The following ZMYND8 variants were observed in gnomAD, a reference collection of about 807,000 sequenced individuals.
ZMYND8 encodes the protein MYND-type zinc finger-containing chromatin reader ZMYND8.
Under a neutral mutation model 140.8 loss-of-function variants are expected in ZMYND8, and 37 were observed. The observed-to-expected ratio is 0.26, with a 90% confidence interval of 0.20 to 0.35. The LOEUF is 0.35. ZMYND8 is among the 10% of genes least tolerant of loss of function. The pLI is 1.00. For missense variants in ZMYND8, 1,068 were observed against 1,570.0 expected, an observed-to-expected ratio of 0.68 and a Z score of 5.40; for synonymous variants, 592 against 597.1, an observed-to-expected ratio of 0.99 and a Z score of 0.12.
At chr20:47,273,613 G>A (rs575679960) in intron 11 of ZMYND8, among the ~76,000 whole-genome samples, 33 of 152,166 alleles carry the variant, frequency 2.2e-4, no homozygotes, top group African/African-American at 4.6e-4. Flanking sequence ...AACTGTCTAC[G>A]GCTGCTCTAT....
intron 3 of ZMYND8, among the ~76,000 whole-genome samples, chr20:47,304,527 T>C (rs941426582): frequency 6.6e-6 from 1 of 152,210 alleles, no homozygotes; most frequent in Non-Finnish European, 1.5e-5. Context: ...CTGGTCTACA[T>C]AAACCAGAGT....
At chr20:47,333,067 TCA>T (rs2081079639) in intron 2 of ZMYND8, among the ~76,000 whole-genome samples, 1 of 152,036 alleles carries the variant, frequency 6.6e-6, no homozygotes, top group Non-Finnish European at 1.5e-5. Context: ...AAAAATGAGG[TCA>T]CACACAGTGG....
chr20:47,317,658 C>T (rs1405212389), intron 2 of ZMYND8, among the ~76,000 whole-genome samples: 4 of 152,192 alleles, frequency 2.6e-5, no homozygotes, highest in Non-Finnish European at 5.9e-5. Flanking sequence ...AGGAGTAGGG[C>T]AACCAACCAT....
chr20:47,258,250 AAGCTTTGCAGCAGAC>A (rs2074902737), intron 12 of ZMYND8, among the ~76,000 whole-genome samples: 1 of 152,232 alleles, frequency 6.6e-6, no homozygotes, highest in Non-Finnish European at 1.5e-5. Context: ...CTAAGAGCTC[AAGCTTTGCAGCAGAC>A]AGGCCTGGGC....
At chr20:47,229,679 C>A in intron 17 of ZMYND8, 47 bp downstream of exon 17, 1 of 1,581,350 alleles carries the variant, frequency 6.3e-7, no homozygotes, top group Non-Finnish European at 8.7e-7. Flanking sequence ...TTAAAGCAGC[C>A]CACAAAACAC....
intron 2 of ZMYND8, among the ~76,000 whole-genome samples, chr20:47,331,709 G>A (rs1445274288): frequency 6.6e-6 from 1 of 152,166 alleles, no homozygotes; most frequent in Non-Finnish European, 1.5e-5. Context: ...GGCAAAGAAG[G>A]CAAAGGAAGA....
chr20:47,349,796 G>C (rs1325897506), intron 1 of ZMYND8: 3 of 1,529,484 alleles, frequency 2.0e-6, no homozygotes, highest in Non-Finnish European at 2.6e-6. Flanking sequence ...GCTAATCTGT[G>C]ATCCAACTGA....
chr20:47,235,129 G>T (rs148984788), intron 16 of ZMYND8, among the ~76,000 whole-genome samples: 26 of 152,282 alleles, frequency 1.7e-4, no homozygotes, highest in African/African-American at 5.8e-4. Flanking sequence ...AATCTCAGTA[G>T]ATTATAAATC....
rs146961945 is a variant in ZMYND8 at position 47,238,935 on chromosome 20, T to C, written c.2488A>G (p.Thr830Ala). The change falls in exon 15 of 23, where the codon ACT (threonine) becomes GCT (alanine). Residue 830 changes from threonine to alanine, a missense_variant. Around this residue, in one of 10 missense-constraint regions of ZMYND8, gnomAD observed 383 missense variants for 431.2 expected, o/e 0.89. Coordinates refer to ENST00000471951, the MANE Select transcript of ZMYND8 (RefSeq NM_001281775.3). ...ACGACCCGCTGCACGGCCGGGGCAG[T>C]CTCCTTCGGTAAAAGCGGCCTCTGC... ...KKQRPLLPKE[T>A]APAVQRVVWN... 2.4e-5 allele frequency: 38 copies of C among 1,613,920 alleles called. No homozygotes were observed. Among genetic ancestry groups the C allele is most frequent in the Admixed American group, 3.3e-5 (2 of 60,008 alleles).
Position 47,212,703 on chromosome 20 carries a change from T to C in ZMYND8, c.3507A>G (p.Gln1169=), listed in dbSNP as rs768106399. Reference sequence around the variant, plus strand: ...CTGTGGTGGTTGGGGCATAGGCAGGTTGCTTGTCACACCTTTTGCTAACTG... The same window carrying C: ...CTGTGGTGGTTGGGGCATAGGCAGGCTGCTTGTCACACCTTTTGCTAACTG... ...QGSVSKRCDK[Q]PAYAPTTTDH... is the part of the protein sequence containing the mutation. Residue 1169 remains glutamine (Q), a synonymous_variant, in exon 22 of 23, where the codon CAA becomes CAG. Transcript: ENST00000471951. The C allele has an allele frequency of 3.1e-6, 5 of 1,612,672 alleles. No homozygotes were observed. The East Asian group carries it at 1.1e-4, about 36-fold the overall frequency.
intron 3 of ZMYND8, among the ~76,000 whole-genome samples, chr20:47,308,380 G>T (rs555036802): frequency 1.3e-5 from 2 of 151,688 alleles, no homozygotes; most frequent in African/African-American, 4.8e-5. Context: ...CACCACGCCC[G>T]GCTAATTTTT....
intron 4 of ZMYND8, among the ~76,000 whole-genome samples, chr20:47,295,717 T>C (rs991746212): frequency 6.6e-6 from 1 of 152,202 alleles, no homozygotes; most frequent in African/African-American, 2.4e-5. Flanking sequence ...CCATGGGTAA[T>C]AGATATCAGC....
chr20:47,311,638 C>G (rs562688962), intron 2 of ZMYND8, among the ~76,000 whole-genome samples: 221 of 150,480 alleles, frequency 1.5e-3, no homozygotes, highest in African/African-American at 5.2e-3. Flanking sequence ...AAAGTTTTCA[C>G]GAACAATGGC....
At chr20:47,253,430 C>T (rs1224186237) in intron 12 of ZMYND8, among the ~76,000 whole-genome samples, 2 of 150,836 alleles carry the variant, frequency 1.3e-5, no homozygotes, top group African/African-American at 4.9e-5. Flanking sequence ...CCAGCTGCTT[C>T]GGAAGCTGAG....
Position 47,246,293 on chromosome 20 carries a change from C to T in ZMYND8, c.1999G>A (p.Glu667Lys). Residue 667 changes from glutamate (E) to lysine (K), a missense_variant, in exon 14 of 23, where the codon GAG (glutamate) becomes AAG (lysine). Glu to Lys is a moderately conservative substitution (Grantham distance 56, BLOSUM62 1). Transcript: ENST00000471951. ...KPTNPVEIKEELKSTSPASEK... is the reference protein window; with the variant it reads ...KPTNPVEIKEKLKSTSPASEK... The stretch of plus-strand genomic sequence containing the variant: ...CTGGCTGGTGACGTGCTTTTCAGCT[C>T]CTCTTTAATCTCCACTGGGTTTGTA... 1 of 1,614,146 alleles carries T rather than the reference C, an allele frequency of 6.2e-7. No homozygotes were observed. Among genetic ancestry groups the T allele is most frequent in the Non-Finnish European group, 8.5e-7 (1 of 1,180,036 alleles).
chr20:47,220,189 G>T, intron 21 of ZMYND8, 69 bp downstream of exon 21: 2 of 1,375,500 alleles, frequency 1.5e-6, no homozygotes, highest in East Asian at 2.5e-5. Flanking sequence ...AATTCTCCCT[G>T]ACAAAATGGC....
At chr20:47,268,377 T>C (rs2075692574) in intron 11 of ZMYND8, among the ~76,000 whole-genome samples, 2 of 145,438 alleles carry the variant, frequency 1.4e-5, no homozygotes, top group Middle Eastern at 3.7e-3. Context: ...CACTGCAGGC[T>C]CCGCCTCCCG....
chr20:47,306,869 T>C (rs144451758), intron 3 of ZMYND8, among the ~76,000 whole-genome samples: 1 of 152,142 alleles, frequency 6.6e-6, no homozygotes, highest in Non-Finnish European at 1.5e-5. Flanking sequence ...TGGAAAGAAA[T>C]TCAGAGGTGG....
chr20:47,334,393 A>C (rs1412651219), intron 2 of ZMYND8, among the ~76,000 whole-genome samples: 3 of 152,164 alleles, frequency 2.0e-5, no homozygotes. Context: ...GAACGAACTC[A>C]GACCAAAAGG....
Sources: gnomAD v4.1 joint callset for allele counts (sites outside exome capture counted in the v4.1 genomes callset) on GRCh38, gnomAD v4.1.1 for gene constraint, gnomAD v4.1.1 regional missense constraint, MANE v1.5 for transcripts, NCBI Gene and HGNC (gene_info 2026-07-23, HGNC 2026-07-21) for gene names.